Variants in YTHDC2 observed in about 807,000 individuals in gnomAD.
YTHDC2 encodes the protein YTH N6-methyladenosine RNA binding protein C2, also known as 3'-5' RNA helicase YTHDC2.
In YTHDC2, 45 loss-of-function variants were observed where a neutral mutation model predicts 174.9. The ratio of observed to expected loss-of-function variants is 0.26; its 90% CI spans 0.20 to 0.33. The LOEUF is 0.33. YTHDC2 is among the 10% of genes least tolerant of loss of function. The pLI, the probability that YTHDC2 is intolerant of heterozygous loss-of-function variation, is 1.00. For missense variants in YTHDC2, 1,650 were observed against 1,723.7 expected (o/e 0.96, Z 0.76); for synonymous variants, 657 against 574.5 (o/e 1.14, Z -2.05).
intron 20 of YTHDC2, among the ~76,000 whole-genome samples, chr5:113,565,428 A>G (rs1254672231): frequency 1.3e-5 from 2 of 152,208 alleles, no homozygotes; most frequent in Admixed American, 6.5e-5. Context: ...AAGAGAACCT[A>G]TTCACAGAGG....
chr5:113,570,639 C>G (rs1777653445), intron 23 of YTHDC2, among the ~76,000 whole-genome samples: 1 of 151,882 alleles, frequency 6.6e-6, no homozygotes, highest in Non-Finnish European at 1.5e-5. Context: ...TCCTCTTTTC[C>G]TATTTGAATA....
intron 8 of YTHDC2, among the ~76,000 whole-genome samples, chr5:113,539,862 G>A (rs1025941790): frequency 2.4e-4 from 37 of 151,766 alleles, no homozygotes; most frequent in African/African-American, 8.7e-4. Context: ...TGATATGTAA[G>A]TTGTAAAACT....
chr5:113,547,797 T>C (rs1775990068), intron 10 of YTHDC2, among the ~76,000 whole-genome samples: 1 of 152,200 alleles, frequency 6.6e-6, no homozygotes, highest in African/African-American at 2.4e-5. Context: ...ATACATACTG[T>C]ATATGAAAGA....
intron 9 of YTHDC2, among the ~76,000 whole-genome samples, chr5:113,541,408 G>A (rs1478519273): frequency 6.6e-6 from 1 of 152,028 alleles, no homozygotes; most frequent in African/African-American, 2.4e-5. Context: ...AGCCAGGGTG[G>A]TCTTGATCTC....
In YTHDC2 at chr5:113,593,036, G is replaced by A. The variant is rs192278705; in HGVS notation, c.4213-267G>A. 4 of 273,874 alleles carry A rather than the reference G, an allele frequency of 1.5e-5. No homozygotes were observed. In the Admixed American group the frequency reaches 1.9e-4, roughly 13 times the overall value. 17.0% of individuals were successfully genotyped at this position (273,874 alleles called of 1,614,324 possible). A position where few individuals can be genotyped will look rare whatever the true frequency, so the allele number is the denominator to read the frequency against. ...AATCCATTATTTTTAGGTAGAAACA[G>A]TTCCAGGACTCCATGGGAATCTGTT... On this transcript the variant is annotated intron_variant, in intron 28 of 29. Transcript: ENST00000161863.
Position 113,584,298 on chromosome 5 carries a change from C to A in YTHDC2, c.3648-4C>A. ...TGATCTTTGCTTCCTCCTTCTTGCTCAAGAGTACTGATGAAATCTCCATCT... is the reference window on the plus strand; with the variant it reads ...TGATCTTTGCTTCCTCCTTCTTGCTAAAGAGTACTGATGAAATCTCCATCT... On this transcript the variant is annotated splice_polypyrimidine_tract_variant and splice_region_variant and intron_variant, in intron 25 of 29. Transcript: ENST00000161863. 6.2e-7 allele frequency: 1 copy of A among 1,607,616 alleles called. No individual in the cohort carries two copies. The highest frequency in any genetic ancestry group is 1.1e-5 in the South Asian group (1 of 89,984).
chr5:113,583,287 A>G (rs1778500289), intron 25 of YTHDC2: 2 of 152,138 alleles, frequency 1.3e-5, no homozygotes, highest in African/African-American at 2.4e-5. Context: ...GATGTGTGGG[A>G]TTTACTTTTA....
Position 113,548,688 on chromosome 5 carries a change from T to G in YTHDC2, c.1622+21T>G, listed in dbSNP as rs767807681. 2.5e-6 allele frequency: 4 copies of G among 1,599,556 alleles called. No homozygotes were observed. The South Asian group carries it at 4.6e-5, about 18-fold the overall frequency. On this transcript the variant is annotated intron_variant, in intron 11 of 29. Transcript: ENST00000161863. ...GGCTGGTAATTTTAAACTACGTTGA[T>G]TCTTCATATATCTTTGTATAGCTAC... is the stretch of plus-strand genomic sequence containing the variant.
chr5:113,525,816 A>C (rs1774184836), intron 3 of YTHDC2, among the ~76,000 whole-genome samples: 1 of 152,154 alleles, frequency 6.6e-6, no homozygotes, highest in African/African-American at 2.4e-5. Flanking sequence ...ATAGTGATAA[A>C]ATTTACATAG....
At chr5:113,554,378 T>A (rs531390109) in intron 16 of YTHDC2, among the ~76,000 whole-genome samples, 25 of 152,190 alleles carry the variant, frequency 1.6e-4, no homozygotes, top group South Asian at 4.1e-4. Flanking sequence ...GTATGGGAAT[T>A]TGATTACATA....
chr5:113,515,417 G>A, intron 2 of YTHDC2, 55 bp downstream of exon 2: 4 of 1,434,300 alleles, frequency 2.8e-6, no homozygotes, highest in Non-Finnish European at 3.9e-6. Context: ...CCCAAAAAAG[G>A]GAGAAACGTT....
At chr5:113,591,376 A>G (rs1490284925) in intron 27 of YTHDC2, 132 bp downstream of exon 27, 7 of 858,892 alleles carry the variant, frequency 8.2e-6, no homozygotes, top group Non-Finnish European at 1.3e-5. Flanking sequence ...AGAATAAGGG[A>G]TATATTGCAT....
chr5:113,545,801 C>T (rs1380121049), intron 10 of YTHDC2, among the ~76,000 whole-genome samples: 1 of 41,566 alleles, frequency 2.4e-5, no homozygotes, highest in Non-Finnish European at 3.6e-5. Context: ...AGTGCAGTGG[C>T]GGGATCTCGG....
intron 12 of YTHDC2, among the ~76,000 whole-genome samples, chr5:113,552,156 G>T (rs564060466): frequency 3.9e-5 from 6 of 152,196 alleles, no homozygotes; most frequent in East Asian, 3.9e-4. Flanking sequence ...CTGAAAGTTT[G>T]TGGTTTTTAA....
In YTHDC2 at chr5:113,561,191, A is replaced by C. The variant is rs201313367; in HGVS notation, c.2322+6A>C. ...TTTTGAGAATGCCATTACAGGTAAA[A>C]ATTTATTTAAATATAAAAGGCATTT... On this transcript the variant is annotated splice_donor_region_variant and intron_variant, in intron 18 of 29. Transcript: ENST00000161863. 5 of 1,607,862 alleles carry C rather than the reference A, an allele frequency of 3.1e-6. No individual in the cohort carries two copies. The African/African-American group carries it at 6.7e-5, about 22-fold the overall frequency.
chr5:113,525,722 A>T (rs1027607537), intron 3 of YTHDC2, among the ~76,000 whole-genome samples: 4 of 152,120 alleles, frequency 2.6e-5, no homozygotes, highest in Non-Finnish European at 4.4e-5. Context: ...AAGTAGGTAG[A>T]TAATGTATTT....
chr5:113,581,785 CT>C, intron 25 of YTHDC2, 76 bp downstream of exon 25: 1 of 1,207,350 alleles, frequency 8.3e-7, no homozygotes. Context: ...GAATCATGTG[CT>C]TTTATAATAT....
intron 23 of YTHDC2, among the ~76,000 whole-genome samples, chr5:113,578,610 C>T (rs1393376065): frequency 1.3e-5 from 2 of 151,970 alleles, no homozygotes; most frequent in African/African-American, 4.8e-5. Context: ...TATTTATCTT[C>T]ATTGGGGAGG....
intron 26 of YTHDC2, among the ~76,000 whole-genome samples, chr5:113,584,773 C>CTTTTTTTTTTT (rs34217644): frequency 1.0e-5 from 1 of 95,734 alleles, no homozygotes; most frequent in Non-Finnish European, 2.0e-5. Flanking sequence ...CTTTCGAATC[C>CTTTTTTTTTTT]TTTTTTTTTT....
Sources: gnomAD v4.1 joint callset for allele counts (sites outside exome capture counted in the v4.1 genomes callset) on GRCh38, gnomAD v4.1.1 for gene constraint, MANE v1.5 for transcripts, NCBI Gene and HGNC (gene_info 2026-07-23, HGNC 2026-07-21) for gene names.